GOLIM4: variants seen among roughly 807,000 people sequenced by gnomAD.
The protein encoded by GOLIM4 is 130 kDa golgi-localized phosphoprotein.
Under a neutral mutation model 107.4 loss-of-function variants are expected in GOLIM4, and 71 were observed. The observed-to-expected ratio is 0.66, with a 90% CI of 0.55 to 0.81. The LOEUF is 0.81. Ranked by LOEUF, GOLIM4 falls within the 30% of genes least tolerant of loss-of-function variation. GOLIM4 has a pLI of 0.00. For synonymous variants in GOLIM4, 327 were observed against 294.8 expected (o/e 1.11, Z -1.12); for missense variants, 830 against 826.1 (o/e 1.00, Z -0.06).
At position 168,048,732 on chromosome 3, in the gene GOLIM4, T is replaced by C. The variant is rs1198762314; in HGVS notation, c.188-367A>G. 2.7e-5 allele frequency among the ~76,000 whole-genome samples: 4 copies of C among 150,816 alleles called. No individual in the cohort carries two copies. In the East Asian group the frequency reaches 5.9e-4, roughly 22 times the overall value. On this transcript the variant is annotated intron_variant, in intron 1 of 15. Transcript: ENST00000470487. ...CTTTTAACCATCATCTGCAAAGCAG[T>C]TACCCCCACATCTACACTTCCACCT... is the stretch of plus-strand genomic sequence containing the variant.
At chr3:168,024,386 AC>A (rs910608599) in intron 14 of GOLIM4, 139 bp downstream of exon 14, 1 of 687,552 alleles carries the variant, frequency 1.5e-6, no homozygotes, top group Non-Finnish European at 2.6e-6. Context: ...TTTGCTTTAA[AC>A]CACCCTTTCT....
chr3:168,061,301 T>TA (rs1720260491), intron 1 of GOLIM4, among the ~76,000 whole-genome samples: 1 of 152,078 alleles, frequency 6.6e-6, no homozygotes, highest in East Asian at 1.9e-4. Flanking sequence ...AAACAGCTAA[T>TA]ATAGAAAAAG....
chr3:168,017,223 C>T (rs1194113982), intron 14 of GOLIM4, among the ~76,000 whole-genome samples: 7 of 152,084 alleles, frequency 4.6e-5, no homozygotes, highest in Non-Finnish European at 8.8e-5. Flanking sequence ...CGTGGTGGCT[C>T]ACACCTGTAA....
At chr3:168,071,555 A>G (rs1188402229) in intron 1 of GOLIM4, among the ~76,000 whole-genome samples, 1 of 151,434 alleles carries the variant, frequency 6.6e-6, no homozygotes, top group African/African-American at 2.4e-5. Flanking sequence ...CCCTACCTCC[A>G]GGAAAAGCAA....
chr3:168,051,988 A>G (rs922007437), intron 1 of GOLIM4, among the ~76,000 whole-genome samples: 2 of 152,172 alleles, frequency 1.3e-5, no homozygotes, highest in East Asian at 1.9e-4. Context: ...TCTAGAAAGA[A>G]GAGGAGGAGA....
At position 168,009,024 on chromosome 3, in the gene GOLIM4, TTTGA is replaced by T. The variant is rs1223828956; in HGVS notation, c.*1241_*1244del. On this transcript the variant is annotated 3_prime_UTR_variant, in exon 16 of 16. Transcript: ENST00000470487. ...GTAGAAAATGAAATGTTTTTATTAA[TTTGA>T]TTATTAATACAAAACCACACATATA... The T allele has an allele frequency of 1.3e-5, 2 of 152,126 alleles. No individual in the cohort carries two copies. Among genetic ancestry groups the T allele is most frequent in the Non-Finnish European group, 2.9e-5 (2 of 67,988 alleles). 9.4% of individuals were successfully genotyped at this position (152,126 alleles called of 1,614,324 possible).
intron 2 of GOLIM4, 137 bp from the exon 3 acceptor site, chr3:168,047,136 C>CT: frequency 2.1e-6 from 1 of 480,418 alleles, no homozygotes; most frequent in Non-Finnish European, 3.8e-6. Flanking sequence ...GATTTACATA[C>CT]TTTATTTTGG....
intron 1 of GOLIM4, among the ~76,000 whole-genome samples, chr3:168,066,754 T>A (rs1336004879): frequency 6.6e-6 from 1 of 152,134 alleles, no homozygotes; most frequent in Non-Finnish European, 1.5e-5. Flanking sequence ...ATTACTAGTA[T>A]CTATTCATTA....
At chr3:168,049,387 C>T (rs1719492961) in intron 1 of GOLIM4, among the ~76,000 whole-genome samples, 1 of 152,182 alleles carries the variant, frequency 6.6e-6, no homozygotes. Flanking sequence ...GTGAAGCAAA[C>T]AAGTTTGTCT....
Position 168,095,444 on chromosome 3 carries a change from C to T in GOLIM4, c.-159G>A, listed in dbSNP as rs1722141531. ...GCCCGGAGGGGAAGTGGCGCCCGCT[C>T]AGCCCCCGCGCGGCGCGGGGCGCGC... is the stretch of plus-strand genomic sequence containing the variant. On this transcript the variant is annotated 5_prime_UTR_variant, in exon 1 of 16. It removes the in-frame stop codon of an upstream open reading frame in the 5' UTR. Coordinates refer to ENST00000470487, the MANE Select transcript of GOLIM4 (RefSeq NM_014498.5). 3.4e-6 allele frequency: 2 copies of T among 580,476 alleles called. No individual in the cohort carries two copies. Among genetic ancestry groups the T allele is most frequent in the South Asian group, 2.3e-5 (1 of 43,198 alleles). 36.0% of individuals were successfully genotyped at this position (580,476 alleles called of 1,614,324 possible). A position where few individuals can be genotyped will look rare whatever the true frequency, so the allele number is the denominator to read the frequency against.
At chr3:168,024,631 C>T in intron 13 of GOLIM4, 37 bp from the exon 14 acceptor site, 1 of 1,504,144 alleles carries the variant, frequency 6.6e-7, no homozygotes, top group Non-Finnish European at 9.3e-7. Flanking sequence ...TGTTACTGTA[C>T]ATCAGAGATG....
At chr3:168,033,114 C>A (rs545762451) in intron 8 of GOLIM4, among the ~76,000 whole-genome samples, 1 of 152,088 alleles carries the variant, frequency 6.6e-6, no homozygotes, top group South Asian at 2.1e-4. Flanking sequence ...CTCCAAGTAA[C>A]CAATATCTCA....
intron 11 of GOLIM4, 118 bp from the exon 12 acceptor site, chr3:168,027,955 A>T: frequency 1.4e-6 from 1 of 690,158 alleles, no homozygotes; most frequent in East Asian, 2.5e-5. Flanking sequence ...CACCTCTGTT[A>T]ACTCAACATA....
rs984363268 is a variant in GOLIM4 at position 168,095,547 on chromosome 3, A to T, written c.-262T>A. On this transcript the variant is annotated 5_prime_UTR_variant, in exon 1 of 16. Coordinates refer to ENST00000470487, the MANE Select transcript of GOLIM4 (RefSeq NM_014498.5). ...TCCGCGAATGCCCGGGGCCGGGAGG[A>T]GGCCCTCCGCATACTTCAGAGCCGG... The T allele has an allele frequency of 1.1e-5, 5 of 461,432 alleles. No individual in the cohort carries two copies. Among genetic ancestry groups the T allele is most frequent in the Middle Eastern group, 5.7e-4 (1 of 1,754 alleles). 28.6% of individuals were successfully genotyped at this position (461,432 alleles called of 1,614,324 possible). A position where few individuals can be genotyped will look rare whatever the true frequency, so the allele number is the denominator to read the frequency against.
intron 1 of GOLIM4, among the ~76,000 whole-genome samples, chr3:168,081,474 G>A (rs1721361664): frequency 1.3e-5 from 2 of 152,172 alleles, no homozygotes; most frequent in Admixed American, 1.3e-4. Context: ...CTAAAAAAAG[G>A]TAGAGTGCCC....
chr3:168,017,882 G>C (rs1049526069), intron 14 of GOLIM4, among the ~76,000 whole-genome samples: 4 of 152,042 alleles, frequency 2.6e-5, no homozygotes, highest in African/African-American at 7.2e-5. Context: ...TTTCATTCAT[G>C]TGCACTATTA....
chr3:168,092,533 A>G (rs12107713), intron 1 of GOLIM4, among the ~76,000 whole-genome samples: 27,149 of 152,070 alleles, frequency 0.18, 3,841 homozygotes, highest in African/African-American at 0.4. Context: ...ACATCATCAG[A>G]TTATAGGTCT....
intron 14 of GOLIM4, among the ~76,000 whole-genome samples, chr3:168,013,056 A>G (rs1047753553): frequency 6.6e-6 from 1 of 150,408 alleles, no homozygotes; most frequent in African/African-American, 2.5e-5. Context: ...CTTTAAATGT[A>G]AATGGACTAA....
intron 14 of GOLIM4, among the ~76,000 whole-genome samples, chr3:168,016,921 T>C (rs571353949): frequency 2.2e-5 from 3 of 139,426 alleles, no homozygotes; most frequent in South Asian, 4.2e-4. Context: ...AGGGATAGCA[T>C]TGGGAAATAT....
Sources: gnomAD v4.1 joint callset for allele counts (sites outside exome capture counted in the v4.1 genomes callset) on GRCh38, gnomAD v4.1.1 for gene constraint, MANE v1.5 for transcripts, NCBI Gene and HGNC (gene_info 2026-07-23, HGNC 2026-07-21) for gene names.